DMGDH: variants seen among roughly 807,000 people sequenced by gnomAD.
The protein encoded by DMGDH is dimethylglycine dehydrogenase, mitochondrial.
In DMGDH, 76 loss-of-function variants were observed where a neutral mutation model predicts 95.2. The ratio of observed to expected loss-of-function variants is 0.80; its 90% CI spans 0.66 to 0.97. The LOEUF (loss-of-function observed/expected upper bound fraction) is 0.97, where lower values mean the gene tolerates loss of function less well. Ranked by LOEUF, DMGDH falls within the 50% of genes least tolerant of loss-of-function variation. The probability of loss-of-function intolerance (pLI) is 0.00; values close to 1 mark genes in which losing one functional copy is unlikely to be tolerated. For missense variants in DMGDH, 987 were observed against 1,055.0 expected, an observed-to-expected ratio of 0.94 and a Z score of 0.89; for synonymous variants, 345 against 377.6, an observed-to-expected ratio of 0.91 and a Z score of 1.00.
intron 14 of DMGDH, among the ~76,000 whole-genome samples, chr5:79,007,918 T>C (rs1476705833): frequency 6.6e-6 from 1 of 152,222 alleles, no homozygotes; most frequent in Non-Finnish European, 1.5e-5. Flanking sequence ...CTGAAATTAC[T>C]ACATCTCCTC....
rs1755283676 is a variant in DMGDH at position 79,063,754 on chromosome 5, T to C, written c.135A>G (p.Gln45=). The C allele has an allele frequency of 5.6e-6, 9 of 1,614,010 alleles. No individual in the cohort carries two copies. Among genetic ancestry groups the C allele is most frequent in the Non-Finnish European group, 7.6e-6 (9 of 1,180,026 alleles). The part of the protein sequence containing the change: ...EEKPPLSAET[Q]WKDRAETVII... Reference sequence around the variant, plus strand: ...TCACTGTTTCTGCTCTGTCTTTCCATTGTGTTTCTGCAGATAAGGGTGGTT... The same window carrying C: ...TCACTGTTTCTGCTCTGTCTTTCCACTGTGTTTCTGCAGATAAGGGTGGTT... Residue 45 remains glutamine, a synonymous_variant, in exon 2 of 16, where the codon CAA becomes CAG. Coordinates refer to ENST00000255189, the MANE Select transcript of DMGDH (RefSeq NM_013391.3).
intron 2 of DMGDH, among the ~76,000 whole-genome samples, chr5:79,059,777 C>T (rs58932604): frequency 0.071 from 10,860 of 152,268 alleles, 865 homozygotes; most frequent in African/African-American, 0.18. Flanking sequence ...AAGGGACAGG[C>T]TGCATCTATT....
intron 12 of DMGDH, among the ~76,000 whole-genome samples, chr5:79,027,182 GT>G (rs1211147892): frequency 6.6e-6 from 1 of 151,902 alleles, no homozygotes; most frequent in Non-Finnish European, 1.5e-5. Context: ...TTCTTGTTTT[GT>G]TTTTTTGTCT....
intron 2 of DMGDH, among the ~76,000 whole-genome samples, chr5:79,060,420 A>G (rs553667443): frequency 1.3e-5 from 2 of 152,278 alleles, no homozygotes; most frequent in South Asian, 4.1e-4. Flanking sequence ...GGATTTATGG[A>G]TTTGTGATTC....
intron 1 of DMGDH, among the ~76,000 whole-genome samples, chr5:79,066,842 A>G (rs893604850): frequency 1.3e-5 from 2 of 152,088 alleles, no homozygotes; most frequent in African/African-American, 4.8e-5. Context: ...TTTCCTTTGT[A>G]TAAGTAATAA....
At chr5:79,036,956 G>A (rs1754363331) in intron 7 of DMGDH, among the ~76,000 whole-genome samples, 1 of 151,976 alleles carries the variant, frequency 6.6e-6, no homozygotes, top group South Asian at 2.1e-4. Flanking sequence ...TGAGGGTGGG[G>A]CCCTCATGAT....
chr5:79,025,863 T>C (rs1753986970), intron 13 of DMGDH, among the ~76,000 whole-genome samples: 1 of 152,252 alleles, frequency 6.6e-6, no homozygotes, highest in Non-Finnish European at 1.5e-5. Context: ...CAAGTGGTTC[T>C]CTAAGTCTCA....
At chr5:79,006,632 T>C (rs752468271) in intron 14 of DMGDH, among the ~76,000 whole-genome samples, 49 of 152,220 alleles carry the variant, frequency 3.2e-4, no homozygotes, top group Admixed American at 7.2e-4. Context: ...ACAGACAGAC[T>C]ACTCTCTGAA....
chr5:79,025,975 C>T (rs1753991117), intron 13 of DMGDH, among the ~76,000 whole-genome samples: 2 of 152,178 alleles, frequency 1.3e-5, no homozygotes, highest in African/African-American at 4.8e-5. Context: ...CAAATAGAAA[C>T]TCTTAATAAC....
At chr5:79,062,910 G>A (rs1055666651) in intron 2 of DMGDH, among the ~76,000 whole-genome samples, 3 of 152,150 alleles carry the variant, frequency 2.0e-5, no homozygotes, top group East Asian at 1.9e-4. Flanking sequence ...TGACCAACAC[G>A]GTGAAACCCC....
chr5:79,054,375 T>C, intron 3 of DMGDH, 27 bp from the exon 4 acceptor site: 1 of 1,612,226 alleles, frequency 6.2e-7, no homozygotes, highest in Non-Finnish European at 8.5e-7. Flanking sequence ...AGTGAGAGCA[T>C]ATAAATAAGT....
chr5:78,997,851 A>G lies in DMGDH; in HGVS notation c.*231T>C, dbSNP rs1753386512. 1.8e-6 allele frequency: 1 copy of G among 555,674 alleles called. No homozygotes were observed. Among genetic ancestry groups the G allele is most frequent in the Admixed American group, 3.2e-5 (1 of 30,836 alleles). The allele number at this position is 555,674 out of a possible 1,614,324, so 34.4% of individuals were successfully genotyped here. ...ATTGGGTAATGTGGGGTAAATAAAA[A>G]AACATTCATTTCAAATTTCTTCATT... On this transcript the variant is annotated 3_prime_UTR_variant, in exon 16 of 16. Coordinates refer to ENST00000255189, the MANE Select transcript of DMGDH (RefSeq NM_013391.3).
intron 14 of DMGDH, 71 bp downstream of exon 14, chr5:79,024,200 A>C: frequency 7.2e-7 from 1 of 1,392,620 alleles, no homozygotes; most frequent in Non-Finnish European, 1.0e-6. Context: ...AATTTTAAAG[A>C]ATGGCTCTGT....
chr5:79,069,536 C>A lies in DMGDH; in HGVS notation c.85G>T (p.Val29Phe), dbSNP rs954452575. 1 of 1,309,096 alleles carries A rather than the reference C, an allele frequency of 7.6e-7. No homozygotes were observed. 81.1% of individuals were successfully genotyped at this position (1,309,096 alleles called of 1,614,324 possible). The change falls in exon 1 of 16, where the codon GTC (valine) becomes TTC (phenylalanine). Residue 29 changes from valine to phenylalanine, a missense_variant. Physicochemically the swap from Val to Phe is conservative, Grantham distance 50. Transcript: ENST00000255189. ...LQGSPGRPRS[V>F]CGREGEEKPP... is the part of the protein sequence containing the mutation. Reference sequence around the variant, plus strand: ...CCCACTCACCCTTCCCGGCCGCAGACAGAGCGCGGGCGCCCGGGGGAGCCC... The same window carrying A: ...CCCACTCACCCTTCCCGGCCGCAGAAAGAGCGCGGGCGCCCGGGGGAGCCC...
At position 79,028,650 on chromosome 5, in the gene DMGDH, T is replaced by C. The variant is rs374310785; in HGVS notation, c.1815A>G (p.Arg605=). Residue 605 remains arginine (R), a splice_region_variant and synonymous_variant, in exon 12 of 16, where the codon AGA becomes AGG. Transcript: ENST00000255189. ...CTTTGACTGCTTCTTCTTCAATCCA[T>C]CTGCGTTTTAGTCATGAACATGGTG... ...TGSGSELHDL[R]WIEEEAVKGG... The C allele has an allele frequency of 1.9e-6, 3 of 1,613,986 alleles. No individual in the cohort carries two copies. The African/African-American group carries it at 4.0e-5, about 22-fold the overall frequency.
At chr5:79,053,234 C>T (rs1011884983) in intron 4 of DMGDH, among the ~76,000 whole-genome samples, 4 of 152,090 alleles carry the variant, frequency 2.6e-5, no homozygotes, top group African/African-American at 4.8e-5. Flanking sequence ...CTCACTATAA[C>T]CTCAAACACC....
intron 4 of DMGDH, among the ~76,000 whole-genome samples, chr5:79,051,695 C>G (rs1024604070): frequency 6.6e-6 from 1 of 152,176 alleles, no homozygotes; most frequent in Non-Finnish European, 1.5e-5. Flanking sequence ...AAACCTCTAT[C>G]TTGTTTACAC....
intron 14 of DMGDH, among the ~76,000 whole-genome samples, chr5:79,015,049 T>C (rs1370828671): frequency 6.6e-6 from 1 of 152,086 alleles, no homozygotes; most frequent in Non-Finnish European, 1.5e-5. Context: ...TCCAAAGCCA[T>C]ACTTGCAGAG....
In DMGDH at chr5:79,030,955, C is replaced by T. The variant is rs1754154275; in HGVS notation, c.1561G>A (p.Glu521Lys). Residue 521 changes from glutamate to lysine, a missense_variant, in exon 10 of 16, where the codon GAG becomes AAG. By Grantham distance (56) the Glu-to-Lys change is moderately conservative. Coordinates refer to ENST00000255189, the MANE Select transcript of DMGDH (RefSeq NM_013391.3). ...RTNWFEPVGS[E>K]YKQVMQRVAV... ...ACTCTTTGCATAACCTGTTTATACT[C>T]CGAGCCCACAGGCTCAAACCAGTTT... 1.9e-6 allele frequency: 3 copies of T among 1,614,068 alleles called. No individual in the cohort carries two copies. Among genetic ancestry groups the T allele is most frequent in the East Asian group, 4.5e-5 (2 of 44,892 alleles).
Sources: allele counts gnomAD v4.1 joint callset (sites outside exome capture counted in the v4.1 genomes callset), GRCh38; gene constraint gnomAD v4.1.1; transcripts MANE v1.5; gene names NCBI Gene and HGNC (gene_info 2026-07-23, HGNC 2026-07-21).